DPP4: variants seen among roughly 807,000 people sequenced by gnomAD.
DPP4 encodes the protein ADCP-2.
DPP4 carries 93 observed loss-of-function variants against 122.4 expected under a neutral mutation model. That is an observed-to-expected ratio of 0.76 (90% CI 0.64 to 0.90). The LOEUF is 0.90. Among genes scored for constraint, DPP4 ranks in the 40% least tolerant of loss-of-function variants. The probability of loss-of-function intolerance (pLI) is 0.00; values close to 1 mark genes in which losing one functional copy is unlikely to be tolerated. For synonymous variants in DPP4, 321 were observed against 302.9 expected, an observed-to-expected ratio of 1.06 and a Z score of -0.62; for missense variants, 914 against 907.3, an observed-to-expected ratio of 1.01 and a Z score of -0.09.
chr2:162,024,698 G>A lies in DPP4; in HGVS notation c.1023+106C>T, dbSNP rs1482738621. 2.8e-6 allele frequency: 4 copies of A among 1,430,650 alleles called. No individual in the cohort carries two copies. In the East Asian group the frequency reaches 7.0e-5, roughly 25 times the overall value. 88.6% of individuals were successfully genotyped at this position (1,430,650 alleles called of 1,614,324 possible). ...GGATCAGACAGAGTCAGAAAGAAGA[G>A]AAACTCAAACTTCATTTCCTGATTC... On this transcript the variant is annotated intron_variant, in intron 11 of 25. Coordinates refer to ENST00000360534, the MANE Select transcript of DPP4 (RefSeq NM_001935.4).
At chr2:162,062,590 C>T (rs1185289838) in intron 2 of DPP4, among the ~76,000 whole-genome samples, 1 of 152,222 alleles carries the variant, frequency 6.6e-6, no homozygotes, top group African/African-American at 2.4e-5. Context: ...GAGTGAAGTT[C>T]TCATTTACTT....
rs538187436 is a variant in DPP4 at position 162,069,700 on chromosome 2, G to A, written c.94+3699C>T. Reference sequence around the variant, plus strand: ...GAAATTGTCCCCTGAAACATACAAAGCTTTCATTCAGGCGCATTTCTGTGC... The same window carrying A: ...GAAATTGTCCCCTGAAACATACAAAACTTTCATTCAGGCGCATTTCTGTGC... On this transcript the variant is annotated intron_variant, in intron 2 of 25. Coordinates refer to ENST00000360534, the MANE Select transcript of DPP4 (RefSeq NM_001935.4). Among the ~76,000 whole-genome samples the A allele has an allele frequency of 5.1e-4, 77 of 152,262 alleles. 1 individual carries two copies. In the South Asian group the frequency reaches 0.016, roughly 31 times the overall value.
intron 23 of DPP4, 76 bp downstream of exon 23, chr2:162,005,669 G>T: frequency 7.9e-7 from 1 of 1,272,656 alleles, no homozygotes; most frequent in South Asian, 1.4e-5. Flanking sequence ...GTATTTTCTA[G>T]AATAGATACA....
chr2:162,010,947 ACTCAAAGTTACATTTCC>A, intron 20 of DPP4, among the ~76,000 whole-genome samples: 1 of 152,106 alleles, frequency 6.6e-6, no homozygotes, highest in Non-Finnish European at 1.5e-5. Flanking sequence ...GGTTACAGAA[ACTCAAAGTTACATTTCC>A]CACATACCAG....
intron 10 of DPP4, among the ~76,000 whole-genome samples, chr2:162,033,296 G>C (rs1683626853): frequency 6.6e-6 from 1 of 152,048 alleles, no homozygotes; most frequent in South Asian, 2.1e-4. Flanking sequence ...CCCCCAATTT[G>C]AATGTAGGCT....
chr2:162,034,331 C>T (rs983990990), intron 9 of DPP4, among the ~76,000 whole-genome samples: 2 of 151,938 alleles, frequency 1.3e-5, no homozygotes, highest in Admixed American at 6.6e-5. Context: ...CAGTTTCGCT[C>T]ATCAAAAAAT....
At chr2:162,016,089 G>A (rs1463199949) in intron 18 of DPP4, among the ~76,000 whole-genome samples, 2 of 152,124 alleles carry the variant, frequency 1.3e-5, no homozygotes, top group East Asian at 1.9e-4. Flanking sequence ...AAAATTAGAT[G>A]TGTTGAATCT....
intron 23 of DPP4, among the ~76,000 whole-genome samples, chr2:162,005,402 T>C (rs1701259318): frequency 6.6e-6 from 1 of 152,242 alleles, no homozygotes; most frequent in Non-Finnish European, 1.5e-5. Flanking sequence ...AATTTCAATA[T>C]ATAGCTAAAG....
rs1700904139 is a variant in DPP4 at position 161,993,142 on chromosome 2, A to T, written c.*141T>A. On this transcript the variant is annotated 3_prime_UTR_variant, in exon 26 of 26. Transcript: ENST00000360534. ...CCCTACTTAAGATGATAGGTATGAA[A>T]TTTGGGAACAAAGGTAACCTTAAGT... 3 of 633,952 alleles carry T rather than the reference A, an allele frequency of 4.7e-6. No individual in the cohort carries two copies. Among genetic ancestry groups the T allele is most frequent in the Non-Finnish European group, 8.3e-6 (3 of 362,544 alleles). 39.3% of individuals were successfully genotyped at this position (633,952 alleles called of 1,614,324 possible).
At chr2:162,023,530 T>G (rs1022542309) in intron 11 of DPP4, among the ~76,000 whole-genome samples, 4 of 152,212 alleles carry the variant, frequency 2.6e-5, no homozygotes, top group African/African-American at 9.6e-5. Flanking sequence ...CTGGATGCCT[T>G]TGCACAGCCC....
At chr2:162,049,167 C>T (rs1411707068) in intron 2 of DPP4, among the ~76,000 whole-genome samples, 15 of 152,198 alleles carry the variant, frequency 9.9e-5, no homozygotes, top group Non-Finnish European at 2.1e-4. Context: ...GTAGCCCTGT[C>T]CCTTGTTAAT....
In DPP4 at chr2:162,073,986, G is replaced by C. The variant is rs1685219909; in HGVS notation, c.-5C>G. 1.2e-6 allele frequency: 2 copies of C among 1,611,956 alleles called. No homozygotes were observed. ...TGGCGCGGCACTCACCTTCATCGTC[G>C]GCGTCTCCTCGGAAGTGAGCGTTCA... On this transcript the variant is annotated 5_prime_UTR_variant, in exon 1 of 26. Transcript: ENST00000360534.
intron 10 of DPP4, among the ~76,000 whole-genome samples, chr2:162,025,571 G>T (rs1048618179): frequency 6.6e-6 from 1 of 152,044 alleles, no homozygotes. Flanking sequence ...GTAAACAGAG[G>T]TATCTCTAGT....
At chr2:162,060,801 T>C (rs1169169420) in intron 2 of DPP4, among the ~76,000 whole-genome samples, 1 of 152,122 alleles carries the variant, frequency 6.6e-6, no homozygotes, top group Non-Finnish European at 1.5e-5. Context: ...CAGATGCTTG[T>C]CCTCTTGTTC....
intron 8 of DPP4, among the ~76,000 whole-genome samples, chr2:162,037,182 GC>G (rs1315882888): frequency 1.3e-5 from 2 of 152,148 alleles, no homozygotes; most frequent in Non-Finnish European, 2.9e-5. Flanking sequence ...TCGTGAACAT[GC>G]AAAAGACTCC....
At position 162,047,483 on chromosome 2, in the gene DPP4, T is replaced by A; in HGVS notation, c.113A>T (p.Asp38Val). 1 of 1,578,380 alleles carries A rather than the reference T, an allele frequency of 6.3e-7. No homozygotes were observed. The highest frequency in any genetic ancestry group is 8.6e-7 in the Non-Finnish European group (1 of 1,156,446). Residue 38 changes from aspartate (D) to valine (V), a missense_variant, in exon 3 of 26, where the codon GAC becomes GTC. Coordinates refer to ENST00000360534, the MANE Select transcript of DPP4 (RefSeq NM_001935.4). ...AGTTAGAGTGTAAGTTTTGCGACTG[T>A]CAGCTGTAGCATCATCTGCTGGTTG... Reference protein sequence around the residue: ...LNKGTDDATADSRKTYTLTDY... With the variant: ...LNKGTDDATAVSRKTYTLTDY...
chr2:162,066,877 G>C (rs992222025), intron 2 of DPP4, among the ~76,000 whole-genome samples: 1 of 152,154 alleles, frequency 6.6e-6, no homozygotes, highest in African/African-American at 2.4e-5. Flanking sequence ...GAAACGAATA[G>C]AGCAAGAACT....
intron 23 of DPP4, among the ~76,000 whole-genome samples, chr2:162,003,944 A>G (rs1035359023): frequency 3.9e-5 from 6 of 152,198 alleles, no homozygotes; most frequent in African/African-American, 1.4e-4. Context: ...ATATACAAGG[A>G]AACTATCAAA....
chr2:162,049,531 C>T (rs748754999), intron 2 of DPP4, among the ~76,000 whole-genome samples: 31 of 152,050 alleles, frequency 2.0e-4, no homozygotes, highest in Non-Finnish European at 3.5e-4. Flanking sequence ...AGCTAACAGA[C>T]TCTGGGCTTA....
Sources: allele counts gnomAD v4.1 joint callset (sites outside exome capture counted in the v4.1 genomes callset), GRCh38; gene constraint gnomAD v4.1.1; transcripts MANE v1.5; gene names NCBI Gene and HGNC (gene_info 2026-07-23, HGNC 2026-07-21).